The following MAPK10 variants were observed in gnomAD, a reference collection of about 807,000 sequenced individuals.
MAPK10 encodes JNK3 alpha protein kinase.
A neutral mutation model predicts 59.3 loss-of-function variants in MAPK10; 25 were observed. That is an observed-to-expected ratio of 0.42 (90% CI 0.31 to 0.59). The LOEUF is 0.59. Among genes scored for constraint, MAPK10 ranks in the 20% least tolerant of loss-of-function variants. The pLI, the probability that MAPK10 is intolerant of heterozygous loss-of-function variation, is 0.15. For missense variants in MAPK10, 351 were observed against 568.9 expected (o/e 0.62, Z 3.90); for synonymous variants, 190 against 200.5 (o/e 0.95, Z 0.44).
intron 3 of MAPK10, among the ~76,000 whole-genome samples, chr4:86,169,084 CA>C (rs1299234208): frequency 1.1e-4 from 17 of 151,962 alleles, no homozygotes; most frequent in African/African-American, 4.1e-4. Flanking sequence ...CATCAAAGAC[CA>C]AAAGTAGATA....
chr4:86,464,362 T>C (rs1266100013), intron 1 of MAPK10, among the ~76,000 whole-genome samples: 1 of 152,162 alleles, frequency 6.6e-6, no homozygotes, highest in Non-Finnish European at 1.5e-5. Flanking sequence ...TCAGCTTAGC[T>C]GTAATTGAGG....
intron 4 of MAPK10, among the ~76,000 whole-genome samples, chr4:86,119,164 A>G (rs2058782724): frequency 6.6e-6 from 1 of 152,242 alleles, no homozygotes; most frequent in African/African-American, 2.4e-5. Context: ...ATAATAACTT[A>G]AGTAATAAAG....
intron 1 of MAPK10, among the ~76,000 whole-genome samples, chr4:86,417,709 C>T (rs1746027414): frequency 6.6e-6 from 1 of 152,116 alleles, no homozygotes; most frequent in South Asian, 2.1e-4. Flanking sequence ...CTCTGAGAAC[C>T]TACTCACACT....
Position 86,103,117 on chromosome 4 carries a change from G to GTGTGTA in MAPK10, c.425+68_425+69insTACACA. 2.6e-5 allele frequency: 19 copies of GTGTGTA among 743,274 alleles called. No homozygotes were observed. In the South Asian group the frequency reaches 2.7e-4, roughly 11 times the overall value. 46.0% of individuals were successfully genotyped at this position (743,274 alleles called of 1,614,324 possible). A position where few individuals can be genotyped will look rare whatever the true frequency, so the allele number is the denominator to read the frequency against. On this transcript the variant is annotated intron_variant, in intron 6 of 13. Transcript: ENST00000641462. ...TGTGTGTGTGTGTGTGTGTGTGTGTGGTGTGTGATTTTCCCTTGGGCTATC... is the reference window on the plus strand; with the variant it reads ...TGTGTGTGTGTGTGTGTGTGTGTGTGTGTGTAGTGTGTGATTTTCCCTTGGGCTATC...
At chr4:86,489,355 G>A (rs780675956) in intron 1 of MAPK10, among the ~76,000 whole-genome samples, 3 of 151,976 alleles carry the variant, frequency 2.0e-5, no homozygotes, top group Middle Eastern at 3.2e-3. Context: ...CTGGCTGTCC[G>A]TCTTCATCCC....
At chr4:86,232,616 G>A (rs907967362) in intron 2 of MAPK10, among the ~76,000 whole-genome samples, 10 of 152,008 alleles carry the variant, frequency 6.6e-5, no homozygotes, top group Non-Finnish European at 1.0e-4. Flanking sequence ...CTCGTGATCC[G>A]CCTGCCTGGG....
intron 2 of MAPK10, among the ~76,000 whole-genome samples, chr4:86,261,170 A>G (rs1234789466): frequency 6.6e-6 from 1 of 152,194 alleles, no homozygotes; most frequent in East Asian, 1.9e-4. Context: ...TCCAAGGCCT[A>G]CCTTAATACA....
chr4:86,309,440 A>C (rs1222135037), intron 2 of MAPK10, among the ~76,000 whole-genome samples: 1 of 152,184 alleles, frequency 6.6e-6, no homozygotes, highest in Non-Finnish European at 1.5e-5. Flanking sequence ...CTAAAGACCA[A>C]GGGCTACATT....
At chr4:86,477,875 A>G (rs1345713218) in intron 1 of MAPK10, among the ~76,000 whole-genome samples, 1 of 152,130 alleles carries the variant, frequency 6.6e-6, no homozygotes, top group Non-Finnish European at 1.5e-5. Flanking sequence ...CCTTCGTCCC[A>G]GCCTCTCTTT....
intron 4 of MAPK10, chr4:86,125,391 T>C (rs1029906586): frequency 9.2e-5 from 14 of 152,170 alleles, no homozygotes; most frequent in African/African-American, 3.1e-4. Flanking sequence ...ACTATTTTTA[T>C]TTTCATTTTC....
chr4:86,375,393 C>T (rs909082592), intron 1 of MAPK10, among the ~76,000 whole-genome samples: 5 of 152,104 alleles, frequency 3.3e-5, no homozygotes, highest in African/African-American at 1.2e-4. Context: ...AATAGACAAA[C>T]TAGAAGTGAA....
At chr4:86,249,631 T>G (rs1459602030) in intron 2 of MAPK10, among the ~76,000 whole-genome samples, 1 of 152,180 alleles carries the variant, frequency 6.6e-6, no homozygotes. Flanking sequence ...ACCAGGTCTA[T>G]CTGCACATAC....
intron 1 of MAPK10, among the ~76,000 whole-genome samples, chr4:86,417,692 A>G (rs1385109229): frequency 6.6e-6 from 1 of 152,208 alleles, no homozygotes; most frequent in Non-Finnish European, 1.5e-5. Context: ...AAACAAATCT[A>G]GAGATCCTCT....
intron 9 of MAPK10, among the ~76,000 whole-genome samples, chr4:86,069,223 A>G (rs1289541581): frequency 1.3e-5 from 2 of 152,170 alleles, no homozygotes; most frequent in African/African-American, 4.8e-5. Flanking sequence ...AGGAGATTGA[A>G]CAAAGATAAA....
intron 9 of MAPK10, among the ~76,000 whole-genome samples, chr4:86,073,210 G>C (rs2048415769): frequency 7.7e-6 from 1 of 129,416 alleles, no homozygotes; most frequent in Non-Finnish European, 1.7e-5. Flanking sequence ...TCTGATGGTA[G>C]TTTGTATTTC....
At chr4:86,523,301 A>ATT (rs1757254423) in intron 1 of MAPK10, among the ~76,000 whole-genome samples, 1 of 152,204 alleles carries the variant, frequency 6.6e-6, no homozygotes, top group African/African-American at 2.4e-5. Context: ...AATCCCTGCC[A>ATT]TACACATATC....
At chr4:86,538,603 A>C (rs1287815073) in intron 1 of MAPK10, among the ~76,000 whole-genome samples, 1 of 152,220 alleles carries the variant, frequency 6.6e-6, no homozygotes, top group Non-Finnish European at 1.5e-5. Context: ...GAACCTTTTT[A>C]GACTTTGATT....
In MAPK10 at chr4:86,132,701, G is replaced by A. The variant is rs191062966; in HGVS notation, c.237-25349C>T. On this transcript the variant is annotated intron_variant, in intron 4 of 13. Transcript: ENST00000641462. Reference sequence around the variant, plus strand: ...GAGCTCTGTCCCCTGTGAAATCATCGTCAGCATTAGATTCTCATAGGAGCG... The same window carrying A: ...GAGCTCTGTCCCCTGTGAAATCATCATCAGCATTAGATTCTCATAGGAGCG... 1.4e-4 allele frequency among the ~76,000 whole-genome samples: 21 copies of A among 152,206 alleles called. No homozygotes were observed. In the Middle Eastern group the frequency reaches 0.017, roughly 123 times the overall value.
chr4:86,483,530 G>A (rs771004988), intron 1 of MAPK10, among the ~76,000 whole-genome samples: 1 of 151,746 alleles, frequency 6.6e-6, no homozygotes, highest in Non-Finnish European at 1.5e-5. Flanking sequence ...CCGCTAAGCC[G>A]CAAACATCAC....
Sources: allele counts gnomAD v4.1 joint callset (sites outside exome capture counted in the v4.1 genomes callset), GRCh38; gene constraint gnomAD v4.1.1; transcripts MANE v1.5; gene names NCBI Gene and HGNC (gene_info 2026-07-23, HGNC 2026-07-21).